Variants in HAVCR2 observed in about 807,000 individuals in gnomAD.
The protein encoded by HAVCR2 is T cell immunoglobulin mucin 3.
In HAVCR2, 13 loss-of-function variants were observed where a neutral mutation model predicts 24.7. That is an observed-to-expected ratio of 0.53 (90% CI 0.34 to 0.84). HAVCR2 has a LOEUF of 0.84. Among genes scored for constraint, HAVCR2 ranks in the 40% least tolerant of loss-of-function variants. The pLI, the probability that HAVCR2 is intolerant of heterozygous loss-of-function variation, is 0.01. For synonymous variants in HAVCR2, 154 were observed against 143.4 expected, an observed-to-expected ratio of 1.07 and a Z score of -0.53; for missense variants, 343 against 371.2, an observed-to-expected ratio of 0.92 and a Z score of 0.62.
At chr5:157,106,574 A>G in intron 2 of HAVCR2, 53 bp downstream of exon 2, 1 of 1,454,426 alleles carries the variant, frequency 6.9e-7, no homozygotes, top group Non-Finnish European at 9.6e-7. Context: ...TACCTTTAAT[A>G]TGATCCACAG....
chr5:157,104,478 G>A (rs945868053), intron 3 of HAVCR2, among the ~76,000 whole-genome samples, 188 bp downstream of exon 3: 2 of 152,084 alleles, frequency 1.3e-5, no homozygotes, highest in Admixed American at 6.6e-5. Context: ...ATAATCCTAA[G>A]CCAGACCATC....
intron 5 of HAVCR2, among the ~76,000 whole-genome samples, chr5:157,090,303 T>A (rs1050942107): frequency 6.6e-6 from 1 of 151,744 alleles, no homozygotes. Context: ...TAATTTTTTT[T>A]AATGTTTTTG....
At chr5:157,094,680 G>A (rs1757066638) in intron 5 of HAVCR2, among the ~76,000 whole-genome samples, 1 of 151,800 alleles carries the variant, frequency 6.6e-6, no homozygotes, top group South Asian at 2.1e-4. Flanking sequence ...ACTGCGCCGG[G>A]CCTGTTTTTT....
At chr5:157,095,236 C>T (rs1237691790) in intron 5 of HAVCR2, 70 bp downstream of exon 5, 3 of 1,545,052 alleles carry the variant, frequency 1.9e-6, no homozygotes, top group African/African-American at 2.7e-5. Flanking sequence ...ATTTGCATTT[C>T]TATCTAGGTT....
chr5:157,098,917 G>C lies in HAVCR2; in HGVS notation c.479-16C>G. 1 of 1,607,494 alleles carries C rather than the reference G, an allele frequency of 6.2e-7. No homozygotes were observed. Among genetic ancestry groups the C allele is most frequent in the Non-Finnish European group, 8.5e-7 (1 of 1,176,780 alleles). Reference sequence around the variant, plus strand: ...TGTGTCTCTGCTATAAAAAGAGAGAGAGAGAGAGAGAGAGGAAAAATAGCC... The same window carrying C: ...TGTGTCTCTGCTATAAAAAGAGAGACAGAGAGAGAGAGAGGAAAAATAGCC... On this transcript the variant is annotated splice_polypyrimidine_tract_variant and intron_variant, in intron 3 of 6. Coordinates refer to ENST00000307851, the MANE Select transcript of HAVCR2 (RefSeq NM_032782.5).
chr5:157,107,808 T>C (rs1757273414), intron 1 of HAVCR2, among the ~76,000 whole-genome samples: 1 of 152,054 alleles, frequency 6.6e-6, no homozygotes, highest in African/African-American at 2.4e-5. Flanking sequence ...CCCTACCCCA[T>C]TTTGTCTGTG....
At chr5:157,095,631 AG>A (rs890451858) in intron 4 of HAVCR2, among the ~76,000 whole-genome samples, 172 bp from the exon 5 acceptor site, 2 of 151,412 alleles carry the variant, frequency 1.3e-5, no homozygotes, top group African/African-American at 4.9e-5. Context: ...AACCCAAGAA[AG>A]GGTCTCCCTT....
intron 4 of HAVCR2, among the ~76,000 whole-genome samples, chr5:157,096,909 G>A (rs184102052): frequency 2.7e-5 from 4 of 149,512 alleles, no homozygotes; most frequent in Non-Finnish European, 5.9e-5. Flanking sequence ...TAATAATATT[G>A]AGACCCCATT....
In HAVCR2 at chr5:157,086,750, T is replaced by C. The variant is rs1273141934; in HGVS notation, c.*352A>G. On this transcript the variant is annotated 3_prime_UTR_variant, in exon 7 of 7. Coordinates refer to ENST00000307851, the MANE Select transcript of HAVCR2 (RefSeq NM_032782.5). ...TATGCTTTCACCTCAGCACCCAGTT[T>C]TCCCTAGTTTATCTGAAGTTTCATG... 1 of 195,920 alleles carries C rather than the reference T, an allele frequency of 5.1e-6. No homozygotes were observed. Among genetic ancestry groups the C allele is most frequent in the East Asian group, 1.4e-4 (1 of 7,064 alleles). The allele number at this position is 195,920 out of a possible 1,614,324, so 12.1% of individuals were successfully genotyped here. A position where few individuals can be genotyped will look rare whatever the true frequency, so the allele number is the denominator to read the frequency against.
chr5:157,106,431 C>T (rs1034938262), intron 2 of HAVCR2, 196 bp downstream of exon 2: 4 of 587,160 alleles, frequency 6.8e-6, no homozygotes, highest in Admixed American at 3.0e-5. Flanking sequence ...CGCCCAGGCA[C>T]ACCCATGAGT....
In HAVCR2 at chr5:157,098,873, A is replaced by C. The variant is rs1413853914; in HGVS notation, c.507T>G (p.Pro169=). The C allele has an allele frequency of 5.0e-6, 8 of 1,612,872 alleles. No individual in the cohort carries two copies. Among genetic ancestry groups the C allele is most frequent in the Non-Finnish European group, 6.8e-6 (8 of 1,179,210 alleles). The change falls in exon 4 of 7, where the codon CCT becomes CCG. Residue 169 remains proline, a synonymous_variant. Transcript: ENST00000307851. ...PAETQTLGSL[P]DINLTQISTL... ...AGTTACTTACTGTTAGATTTATATCAGGGAGGCTCCCCAGTGTCTGTGTCT... is the reference window on the plus strand; with the variant it reads ...AGTTACTTACTGTTAGATTTATATCCGGGAGGCTCCCCAGTGTCTGTGTCT...
chr5:157,091,145 A>G (rs1756993086), intron 5 of HAVCR2, among the ~76,000 whole-genome samples: 1 of 152,174 alleles, frequency 6.6e-6, no homozygotes, highest in South Asian at 2.1e-4. Context: ...GTTGACTATA[A>G]TAAAGATAAA....
intron 4 of HAVCR2, among the ~76,000 whole-genome samples, chr5:157,097,660 C>T (rs1757111001): frequency 6.6e-6 from 1 of 152,002 alleles, no homozygotes; most frequent in Non-Finnish European, 1.5e-5. Flanking sequence ...TGTGCAGTGG[C>T]GCGACCTCAG....
At chr5:157,094,632 C>G (rs1050204387) in intron 5 of HAVCR2, among the ~76,000 whole-genome samples, 4 of 151,982 alleles carry the variant, frequency 2.6e-5, no homozygotes, top group African/African-American at 4.8e-5. Context: ...ATCCACCCCC[C>G]TCAGCCTCCC....
rs929135592 is a variant in HAVCR2 at position 157,095,325 on chromosome 5, G to A, written c.657C>T (p.Phe219=). 20 of 1,613,504 alleles carry A rather than the reference G, an allele frequency of 1.2e-5. No individual in the cohort carries two copies. Among genetic ancestry groups the A allele is most frequent in the Middle Eastern group, 1.6e-4 (1 of 6,084 alleles). ...ACTTACATTTGAAAATTAAAGCGCC[G>A]AAGATAAGAGCCAGAGCCAGCCCAG... ...ICAGLALALI[F]GALIFKWYSH... The change falls in exon 5 of 7, where the codon TTC becomes TTT. Residue 219 remains phenylalanine (F), a synonymous_variant. Coordinates refer to ENST00000307851, the MANE Select transcript of HAVCR2 (RefSeq NM_032782.5).
At chr5:157,090,122 C>CTTTTTT (rs869177923) in intron 5 of HAVCR2, among the ~76,000 whole-genome samples, 3,358 of 65,384 alleles carry the variant, frequency 0.051, 23 homozygotes, top group Non-Finnish European at 0.06. Flanking sequence ...CTTTTCTTTT[C>CTTTTTT]TTTTTTTTTT....
intron 2 of HAVCR2, among the ~76,000 whole-genome samples, chr5:157,105,432 T>G (rs984068963): frequency 1.3e-5 from 2 of 152,214 alleles, no homozygotes; most frequent in Non-Finnish European, 2.9e-5. Context: ...CCTTTGAATG[T>G]CATGTCAGTG....
At chr5:157,104,281 T>C (rs1393662839) in intron 3 of HAVCR2, among the ~76,000 whole-genome samples, 1 of 152,166 alleles carries the variant, frequency 6.6e-6, no homozygotes, top group South Asian at 2.1e-4. Context: ...ATCCTAGAAA[T>C]CACCTAATCC....
At chr5:157,099,032 G>T in intron 3 of HAVCR2, 131 bp from the exon 4 acceptor site, 1 of 772,140 alleles carries the variant, frequency 1.3e-6, no homozygotes, top group Non-Finnish European at 1.9e-6. Context: ...ATTCTACTCC[G>T]TACTTGTCAC....
Sources: allele counts gnomAD v4.1 joint callset (sites outside exome capture counted in the v4.1 genomes callset), GRCh38; gene constraint gnomAD v4.1.1; transcripts MANE v1.5; gene names NCBI Gene and HGNC (gene_info 2026-07-23, HGNC 2026-07-21).